Variants in ATP6V0A2 observed in about 807,000 individuals in gnomAD.
ATP6V0A2 encodes the protein V-type proton ATPase 116 kDa subunit a 2.
In ATP6V0A2, 58 loss-of-function variants were observed where a neutral mutation model predicts 104.4. The observed-to-expected ratio is 0.56, with a 90% CI of 0.45 to 0.69. The LOEUF (loss-of-function observed/expected upper bound fraction) is 0.69. ATP6V0A2 is among the 30% of genes least tolerant of loss of function. ATP6V0A2 has a pLI of 0.00. For synonymous variants in ATP6V0A2, 376 were observed against 397.9 expected, an observed-to-expected ratio of 0.95 and a Z score of 0.65; for missense variants, 938 against 1,062.9, an observed-to-expected ratio of 0.88 and a Z score of 1.63.
chr12:123,744,426 G>A lies in ATP6V0A2; in HGVS notation c.1326+89G>A, dbSNP rs543506966. 18 of 1,589,804 alleles carry A rather than the reference G, an allele frequency of 1.1e-5. No homozygotes were observed. The highest frequency in any genetic ancestry group is 1.6e-5 in the Non-Finnish European group (18 of 1,160,486). On this transcript the variant is annotated intron_variant, in intron 11 of 19. Transcript: ENST00000330342. The surrounding 1 kb of genome is among the most constrained non-coding windows in gnomAD (Gnocchi z 5.4). Reference sequence around the variant, plus strand: ...AGACACCTCTTAGATGTTTGCTGTAGGCTGCGGCTGTGCTGGGCAGGTGTG... The same window carrying A: ...AGACACCTCTTAGATGTTTGCTGTAAGCTGCGGCTGTGCTGGGCAGGTGTG...
chr12:123,748,941 A>T (rs1206185364), intron 15 of ATP6V0A2, among the ~76,000 whole-genome samples, 156 bp downstream of exon 15: 1 of 152,086 alleles, frequency 6.6e-6, no homozygotes, highest in Admixed American at 6.5e-5. Flanking sequence ...GTCCAGCTTG[A>T]CCGCTGTGTG....
rs190789416 is a variant in ATP6V0A2, at chr12:123,750,659, T to G, written c.1936-451T>G. On this transcript the variant is annotated intron_variant, in intron 15 of 19. Transcript: ENST00000330342. ...GAAGTGTTTTTGGTTTTGTTCTGAA[T>G]TCTCTTCCACGATTTTCTGTGTGTG... is the stretch of plus-strand genomic sequence containing the variant. 2.0e-5 allele frequency: 4 copies of G among 204,688 alleles called. No individual in the cohort carries two copies. The East Asian group carries it at 4.9e-4, about 25-fold the overall frequency. 12.7% of individuals were successfully genotyped at this position (204,688 alleles called of 1,614,324 possible).
intron 2 of ATP6V0A2, among the ~76,000 whole-genome samples, chr12:123,719,329 C>T (rs1424172085): frequency 6.6e-6 from 1 of 151,928 alleles, no homozygotes; most frequent in Non-Finnish European, 1.5e-5. Flanking sequence ...CAAATCAAGC[C>T]TTGACATTCT....
chr12:123,718,777 G>A, intron 2 of ATP6V0A2, 76 bp downstream of exon 2: 1 of 1,030,654 alleles, frequency 9.7e-7, no homozygotes, highest in South Asian at 1.4e-5. Flanking sequence ...TAAAAATATT[G>A]GAAAATATAG....
chr12:123,740,096 G>A (rs1263250379), intron 9 of ATP6V0A2, among the ~76,000 whole-genome samples: 1 of 152,068 alleles, frequency 6.6e-6, no homozygotes, highest in Non-Finnish European at 1.5e-5. Flanking sequence ...CTGGGAGGTT[G>A]AGGCTGCATT....
chr12:123,755,568 T>C (rs925548494), intron 18 of ATP6V0A2, among the ~76,000 whole-genome samples: 4 of 115,056 alleles, frequency 3.5e-5, no homozygotes, highest in Non-Finnish European at 5.5e-5. Flanking sequence ...AAAAAAAAAA[T>C]AGGACAATTT....
chr12:123,748,373 G>T (rs182445895), intron 14 of ATP6V0A2, among the ~76,000 whole-genome samples: 63 of 152,308 alleles, frequency 4.1e-4, no homozygotes, highest in Non-Finnish European at 2.1e-4. Context: ...AGATTTGACC[G>T]CAAAAACTGT....
chr12:123,740,414 T>C (rs183573244), intron 9 of ATP6V0A2, among the ~76,000 whole-genome samples: 124 of 152,244 alleles, frequency 8.1e-4, no homozygotes, highest in Admixed American at 1.2e-3. Flanking sequence ...TTTCATAATG[T>C]TGGCCAGGCT....
At chr12:123,752,672 G>T (rs1200622378) in intron 17 of ATP6V0A2, among the ~76,000 whole-genome samples, 2 of 152,168 alleles carry the variant, frequency 1.3e-5, no homozygotes, top group African/African-American at 4.8e-5. Flanking sequence ...GACTTAAGGT[G>T]CCATGAACAT....
chr12:123,737,943 A>C (rs983709018), intron 9 of ATP6V0A2, among the ~76,000 whole-genome samples: 3 of 152,226 alleles, frequency 2.0e-5, no homozygotes, highest in Non-Finnish European at 1.5e-5. Flanking sequence ...TTATTTAACT[A>C]GTTTTCTGGT....
At chr12:123,755,907 C>T (rs542146824) in intron 18 of ATP6V0A2, among the ~76,000 whole-genome samples, 10 of 151,818 alleles carry the variant, frequency 6.6e-5, no homozygotes, top group Non-Finnish European at 1.0e-4. Flanking sequence ...ACGTGAAACC[C>T]TGTCTCTACT....
At chr12:123,754,705 C>G (rs1956747247) in intron 18 of ATP6V0A2, 168 bp downstream of exon 18, 2 of 611,544 alleles carry the variant, frequency 3.3e-6, no homozygotes, top group Non-Finnish European at 5.8e-6. Context: ...TTGGCTATTT[C>G]TTTTGGCTGA....
At position 123,735,550 on chromosome 12, in the gene ATP6V0A2, C is replaced by T. The variant is rs1251709722; in HGVS notation, c.751C>T (p.Pro251Ser). 2 of 1,613,996 alleles carry T rather than the reference C, an allele frequency of 1.2e-6. No individual in the cohort carries two copies. Among genetic ancestry groups the T allele is most frequent in the Admixed American group, 3.3e-5 (2 of 60,010 alleles). ...TTCCAGCTACCACTGCCACGTGTAC[C>T]CCTATCCAAACACAGCCGAGGAGCG... Reference protein sequence around the residue: ...ICDCYHCHVYPYPNTAEERRE... With the variant: ...ICDCYHCHVYSYPNTAEERRE... Residue 251 changes from proline to serine, a missense_variant, in exon 8 of 20, where the codon CCC becomes TCC. Physicochemically the swap from Pro to Ser is moderately conservative, Grantham distance 74. Transcript: ENST00000330342.
At chr12:123,712,980 G>C (rs1170480552) in intron 1 of ATP6V0A2, among the ~76,000 whole-genome samples, 4 of 152,176 alleles carry the variant, frequency 2.6e-5, no homozygotes, top group African/African-American at 9.6e-5. Flanking sequence ...ATCCCACAAA[G>C]GCCTCTTGGA....
chr12:123,732,503 G>A (rs1956510842), intron 6 of ATP6V0A2: 2 of 152,748 alleles, frequency 1.3e-5, no homozygotes, highest in African/African-American at 4.8e-5. Context: ...ATTCCTCAGA[G>A]CTGTGTTACT....
intron 9 of ATP6V0A2, among the ~76,000 whole-genome samples, chr12:123,742,560 G>A (rs1247625310): frequency 1.3e-5 from 2 of 152,108 alleles, no homozygotes; most frequent in Non-Finnish European, 2.9e-5. Context: ...ATTTTGGCCG[G>A]GTGCAGTGGC....
chr12:123,726,406 A>C (rs1347842977), intron 5 of ATP6V0A2, 121 bp downstream of exon 5: 1 of 751,166 alleles, frequency 1.3e-6, no homozygotes, highest in Admixed American at 2.1e-5. Flanking sequence ...AAACATAGTG[A>C]ATATTTGTTT....
rs1566294661 is a variant in ATP6V0A2, at chr12:123,756,924, C to G, written c.2403C>G (p.Thr801=). The G allele has an allele frequency of 6.2e-7, 1 of 1,614,204 alleles. No individual in the cohort carries two copies. ...LPVIALFAVL[T]IFILLIMEGL... is the part of the protein sequence containing the mutation. ...TTATCGCGCTCTTTGCAGTTTTGAC[C>G]ATTTTCATCCTTCTGATCATGGAAG... The change falls in exon 19 of 20, where the codon ACC becomes ACG. Residue 801 remains threonine (T), a synonymous_variant. Coordinates refer to ENST00000330342, the MANE Select transcript of ATP6V0A2 (RefSeq NM_012463.4).
intron 8 of ATP6V0A2, 143 bp downstream of exon 8, chr12:123,735,767 C>T: frequency 1.3e-6 from 1 of 776,352 alleles, no homozygotes; most frequent in South Asian, 1.5e-5. Flanking sequence ...TGCTTCCCTC[C>T]CTCCTCCCCA....
Sources: gnomAD v4.1 joint callset for allele counts (sites outside exome capture counted in the v4.1 genomes callset) on GRCh38, gnomAD v4.1.1 for gene constraint, Gnocchi (gnomAD v3.1) non-coding constraint, MANE v1.5 for transcripts, NCBI Gene and HGNC (gene_info 2026-07-23, HGNC 2026-07-21) for gene names.